SDHC: variants seen among roughly 807,000 people sequenced by gnomAD.
The protein encoded by SDHC is succinate dehydrogenase complex subunit C.
In SDHC, 11 loss-of-function variants were observed where a neutral mutation model predicts 22.6. The ratio of observed to expected loss-of-function variants is 0.49; its 90% CI spans 0.31 to 0.81. The LOEUF (loss-of-function observed/expected upper bound fraction) is 0.81. SDHC is among the 30% of genes least tolerant of loss of function. The pLI, the probability that SDHC is intolerant of heterozygous loss-of-function variation, is 0.05. For missense variants in SDHC, 160 were observed against 212.0 expected (o/e 0.75, Z 1.52); for synonymous variants, 80 against 77.8 (o/e 1.03, Z -0.15).
chr1:161,314,591 C>A (rs946274204), intron 1 of SDHC, 166 bp downstream of exon 1: 8 of 770,534 alleles, frequency 1.0e-5, no homozygotes, highest in South Asian at 9.3e-5. Flanking sequence ...TCCCGTCCCC[C>A]CCAGCCGCTC....
chr1:161,335,805 C>T (rs56087662), intron 3 of SDHC, among the ~76,000 whole-genome samples: 11 of 152,054 alleles, frequency 7.2e-5, no homozygotes, highest in Non-Finnish European at 1.2e-4. Context: ...TATATACATA[C>T]ATCATACATA....
chr1:161,353,605 A>G (rs551491333), intron 4 of SDHC, among the ~76,000 whole-genome samples: 8 of 152,302 alleles, frequency 5.3e-5, no homozygotes, highest in African/African-American at 1.9e-4. Context: ...CAAGGTAAAT[A>G]CCTAACACTT....
chr1:161,361,168 G>A (rs548070062), intron 5 of SDHC, among the ~76,000 whole-genome samples: 1 of 151,984 alleles, frequency 6.6e-6, no homozygotes, highest in Non-Finnish European at 1.5e-5. Context: ...TTCAAGACCT[G>A]CCTGAACAAT....
chr1:161,340,533 G>T, intron 3 of SDHC, 61 bp from the exon 4 acceptor site: 1 of 1,420,952 alleles, frequency 7.0e-7, no homozygotes, highest in Admixed American at 1.7e-5. Context: ...TGCCAAGATA[G>T]ACTCTCTACT....
intron 1 of SDHC, among the ~76,000 whole-genome samples, chr1:161,318,419 A>C (rs1209197123): frequency 2.0e-5 from 3 of 152,246 alleles, no homozygotes; most frequent in Admixed American, 6.5e-5. Flanking sequence ...ATGAACAACC[A>C]GCTAAGTAAC....
chr1:161,321,992 G>A (rs977319200), intron 1 of SDHC, among the ~76,000 whole-genome samples: 11 of 152,122 alleles, frequency 7.2e-5, no homozygotes, highest in South Asian at 2.1e-4. Flanking sequence ...TATAATGGTC[G>A]TGTGTTTTTC....
At chr1:161,318,944 C>T (rs905308580) in intron 1 of SDHC, among the ~76,000 whole-genome samples, 4 of 151,982 alleles carry the variant, frequency 2.6e-5, no homozygotes, top group African/African-American at 9.6e-5. Flanking sequence ...CTTGGGAGGC[C>T]GAGGCAGGAG....
intron 4 of SDHC, among the ~76,000 whole-genome samples, chr1:161,350,723 GTTTGGTCAACAGATGTAC>G (rs1672074200): frequency 1.3e-5 from 2 of 152,210 alleles, no homozygotes; most frequent in African/African-American, 4.8e-5. Flanking sequence ...TGTGGGCCAT[GTTTGGTCAACAGATGTAC>G]TTTGTTTCTT....
chr1:161,316,103 ATACAATCGGGT>A (rs1670602224), intron 1 of SDHC, among the ~76,000 whole-genome samples: 1 of 152,100 alleles, frequency 6.6e-6, no homozygotes, highest in Non-Finnish European at 1.5e-5. Context: ...TAGATGGAAT[ATACAATCGGGT>A]TTTACACCGA....
intron 3 of SDHC, among the ~76,000 whole-genome samples, chr1:161,339,743 C>T (rs573130563): frequency 1.9e-4 from 23 of 121,036 alleles, no homozygotes; most frequent in Admixed American, 1.8e-3. Context: ...TGCAATGGTG[C>T]GATCTTGGCT....
At chr1:161,326,481 T>G (rs949254580) in intron 2 of SDHC, among the ~76,000 whole-genome samples, 1 of 150,220 alleles carries the variant, frequency 6.7e-6, no homozygotes, top group Non-Finnish European at 1.5e-5. Context: ...TATAGTAGGG[T>G]GTCCTCAGAA....
chr1:161,333,728 A>G (rs1211770620), intron 3 of SDHC, among the ~76,000 whole-genome samples: 1 of 152,220 alleles, frequency 6.6e-6, no homozygotes, highest in African/African-American at 2.4e-5. Flanking sequence ...AGGAACTACC[A>G]GACTGTTTTC....
At chr1:161,322,527 C>T (rs558606613) in intron 1 of SDHC, among the ~76,000 whole-genome samples, 1 of 151,818 alleles carries the variant, frequency 6.6e-6, no homozygotes, top group South Asian at 2.1e-4. Context: ...GCTCTCTTCA[C>T]AAACCCCTTG....
At chr1:161,340,289 G>C (rs572917702) in intron 3 of SDHC, among the ~76,000 whole-genome samples, 1 of 147,086 alleles carries the variant, frequency 6.8e-6, no homozygotes, top group Admixed American at 6.7e-5. Context: ...ACCCTGTTCC[G>C]GGGGGGTAAA....
intron 1 of SDHC, among the ~76,000 whole-genome samples, chr1:161,317,924 A>T (rs1218428136): frequency 6.6e-6 from 1 of 152,022 alleles, no homozygotes; most frequent in Non-Finnish European, 1.5e-5. Flanking sequence ...CTGTAATCCC[A>T]GCACTTTGGG....
intron 5 of SDHC, 93 bp from the exon 6 acceptor site, chr1:161,362,236 T>C (rs1170400560): frequency 1.4e-5 from 20 of 1,417,264 alleles, no homozygotes; most frequent in Non-Finnish European, 2.0e-5. Context: ...AGAGGAGATA[T>C]CTATTCCTTT....
At chr1:161,338,793 C>T (rs116113322) in intron 3 of SDHC, among the ~76,000 whole-genome samples, 1,925 of 152,226 alleles carry the variant, frequency 0.013, 42 homozygotes, top group African/African-American at 0.042. Context: ...TTTCTTCCAT[C>T]AGTGTTATAC....
At chr1:161,356,975 G>T (rs1672303641) in intron 5 of SDHC, 135 bp downstream of exon 5, 3 of 909,242 alleles carry the variant, frequency 3.3e-6, no homozygotes, top group African/African-American at 3.3e-5. Flanking sequence ...CTATTGCCCA[G>T]GCTGGAGTGC....
intron 4 of SDHC, among the ~76,000 whole-genome samples, chr1:161,346,688 A>G (rs56007456): frequency 0.12 from 17,799 of 152,046 alleles, 1,414 homozygotes; most frequent in African/African-American, 0.22. Context: ...ATGAGCCACC[A>G]TGCCCGGCCA....
Sources: gnomAD v4.1 joint callset for allele counts (sites outside exome capture counted in the v4.1 genomes callset) on GRCh38, gnomAD v4.1.1 for gene constraint, MANE v1.5 for transcripts, NCBI Gene and HGNC (gene_info 2026-07-23, HGNC 2026-07-21) for gene names.